The following LRRC4C variants were observed in gnomAD, a reference collection of about 807,000 sequenced individuals.
LRRC4C encodes the protein leucine rich repeat containing 4C.
LRRC4C carries 5 observed loss-of-function variants against 33.6 expected under a neutral mutation model. The ratio of observed to expected loss-of-function variants is 0.15; its 90% CI spans 0.08 to 0.31. The LOEUF (loss-of-function observed/expected upper bound fraction) is 0.31, where lower values mean the gene tolerates loss of function less well. LRRC4C is among the 10% of genes least tolerant of loss of function. The probability of loss-of-function intolerance (pLI) is 1.00; values close to 1 mark genes in which losing one functional copy is unlikely to be tolerated. For missense variants in LRRC4C, 560 were observed against 796.7 expected (o/e 0.70, Z 3.58); for synonymous variants, 329 against 302.0 (o/e 1.09, Z -0.93).
intron 3 of LRRC4C, among the ~76,000 whole-genome samples, chr11:40,585,657 G>A (rs1699680085): frequency 8.1e-6 from 1 of 123,772 alleles, no homozygotes; most frequent in Admixed American, 9.9e-5. Flanking sequence ...AGAGTGTGAT[G>A]TTCCCCTTCC....
chr11:40,243,630 A>G (rs1376443314), intron 4 of LRRC4C, among the ~76,000 whole-genome samples: 1 of 151,010 alleles, frequency 6.6e-6, no homozygotes, highest in African/African-American at 2.4e-5. Context: ...TAAATTTTAT[A>G]TAATTTTGTT....
At chr11:41,168,599 C>A (rs1838602630) in intron 1 of LRRC4C, among the ~76,000 whole-genome samples, 1 of 151,566 alleles carries the variant, frequency 6.6e-6, no homozygotes, top group Non-Finnish European at 1.5e-5. Context: ...GCCTTTGTAG[C>A]TGCCTGCCTT....
chr11:41,456,694 C>T (rs750510798), intron 1 of LRRC4C, among the ~76,000 whole-genome samples: 1 of 152,100 alleles, frequency 6.6e-6, no homozygotes, highest in African/African-American at 2.4e-5. Flanking sequence ...TGACAAGTTA[C>T]TCCTACTGAA....
At chr11:41,280,529 G>T (rs978787882) in intron 1 of LRRC4C, among the ~76,000 whole-genome samples, 20 of 152,190 alleles carry the variant, frequency 1.3e-4, no homozygotes, top group African/African-American at 4.3e-4. Flanking sequence ...TGTGCCTGAT[G>T]AAATAACATT....
At chr11:41,139,873 G>C (rs541824913) in intron 1 of LRRC4C, among the ~76,000 whole-genome samples, 1 of 152,070 alleles carries the variant, frequency 6.6e-6, no homozygotes, top group Non-Finnish European at 1.5e-5. Context: ...GTCTTTGATC[G>C]GGGCACTGTG....
intron 1 of LRRC4C, among the ~76,000 whole-genome samples, chr11:41,204,875 T>C (rs747319795): frequency 4.6e-5 from 7 of 152,136 alleles, no homozygotes; most frequent in Non-Finnish European, 1.0e-4. Flanking sequence ...AACAAGATGA[T>C]TGTAAGGTTT....
intron 1 of LRRC4C, among the ~76,000 whole-genome samples, chr11:41,121,486 A>G (rs1942428027): frequency 6.6e-6 from 1 of 152,064 alleles, no homozygotes; most frequent in African/African-American, 2.4e-5. Context: ...ATTATTTCCA[A>G]CGCCTTCCCC....
intron 1 of LRRC4C, among the ~76,000 whole-genome samples, chr11:41,192,718 G>A (rs558972164): frequency 2.6e-5 from 4 of 151,984 alleles, no homozygotes; most frequent in East Asian, 1.9e-4. Context: ...AGTCAGAATC[G>A]AGAAAAAGCA....
chr11:41,325,577 TTG>T (rs71466928), intron 1 of LRRC4C, among the ~76,000 whole-genome samples: 1,424 of 104,084 alleles, frequency 0.014, 48 homozygotes, highest in African/African-American at 0.041. Flanking sequence ...TTTTTTTTTT[TTG>T]TGTGTGTGTG....
chr11:40,699,933 T>A (rs1428348375), intron 2 of LRRC4C, among the ~76,000 whole-genome samples: 1 of 152,192 alleles, frequency 6.6e-6, no homozygotes, highest in Admixed American at 6.5e-5. Context: ...AGAAGTCTTT[T>A]TTAATTTTAA....
intron 2 of LRRC4C, among the ~76,000 whole-genome samples, chr11:40,904,949 C>T (rs866598418): frequency 5.9e-5 from 9 of 152,150 alleles, no homozygotes; most frequent in South Asian, 4.1e-4. Context: ...AGGAAAGCTG[C>T]AGGCCCCTCA....
At chr11:40,670,510 C>T (rs1027804767) in intron 2 of LRRC4C, among the ~76,000 whole-genome samples, 1 of 152,176 alleles carries the variant, frequency 6.6e-6, no homozygotes, top group African/African-American at 2.4e-5. Flanking sequence ...AAAATATGGA[C>T]TTTCCAAGAA....
At chr11:40,384,549 T>C (rs994089343) in intron 3 of LRRC4C, among the ~76,000 whole-genome samples, 1 of 152,100 alleles carries the variant, frequency 6.6e-6, no homozygotes, top group Non-Finnish European at 1.5e-5. Flanking sequence ...AGTTGATGGG[T>C]CCAACATTCA....
intron 5 of LRRC4C, among the ~76,000 whole-genome samples, chr11:40,196,452 T>C (rs1862269249): frequency 6.6e-6 from 1 of 152,230 alleles, no homozygotes; most frequent in Non-Finnish European, 1.5e-5. Flanking sequence ...TGCCCATGAC[T>C]TGATTCCCTT....
chr11:40,165,931 G>A (rs1269591766), intron 5 of LRRC4C, among the ~76,000 whole-genome samples: 1 of 152,128 alleles, frequency 6.6e-6, no homozygotes, highest in African/African-American at 2.4e-5. Flanking sequence ...GGCAAGGAGA[G>A]CGAAACTCTG....
chr11:40,878,510 G>A (rs1233439388), intron 2 of LRRC4C, among the ~76,000 whole-genome samples: 1 of 152,150 alleles, frequency 6.6e-6, no homozygotes, highest in African/African-American at 2.4e-5. Context: ...TCACAATACG[G>A]TTAGTGCACC....
intron 3 of LRRC4C, among the ~76,000 whole-genome samples, chr11:40,514,373 C>T (rs1955472647): frequency 6.6e-6 from 1 of 152,144 alleles, no homozygotes; most frequent in African/African-American, 2.4e-5. Context: ...CAATTCCCAG[C>T]TCTATAATTT....
chr11:41,435,455 G>A (rs1396979072), intron 1 of LRRC4C, among the ~76,000 whole-genome samples: 3 of 152,094 alleles, frequency 2.0e-5, no homozygotes, highest in African/African-American at 7.2e-5. Flanking sequence ...GATCAATACC[G>A]ATACAATAAG....
chr11:40,425,339 G>A (rs912900292), intron 3 of LRRC4C, among the ~76,000 whole-genome samples: 1 of 152,134 alleles, frequency 6.6e-6, no homozygotes, highest in Non-Finnish European at 1.5e-5. Context: ...TTAGCCAGCA[G>A]GGGGATATGC....
Sources: gnomAD v4.1 joint callset for allele counts (sites outside exome capture counted in the v4.1 genomes callset) on GRCh38, gnomAD v4.1.1 for gene constraint, MANE v1.5 for transcripts, NCBI Gene and HGNC (gene_info 2026-07-23, HGNC 2026-07-21) for gene names.